Variants in ATXN10 observed in about 807,000 individuals in gnomAD.
ATXN10 encodes ataxin 10, also known as ataxin-10.
Under a neutral mutation model 52.9 loss-of-function variants are expected in ATXN10, and 28 were observed. That is an observed-to-expected ratio of 0.53 (90% CI 0.39 to 0.73). The LOEUF is 0.73. ATXN10 is among the 30% of genes least tolerant of loss of function. ATXN10 has a pLI of 0.00. For missense variants in ATXN10, 565 were observed against 577.0 expected, an observed-to-expected ratio of 0.98 and a Z score of 0.21; for synonymous variants, 226 against 221.5, an observed-to-expected ratio of 1.02 and a Z score of -0.18.
At chr22:45,723,800 A>G (rs1156672814) in intron 6 of ATXN10, among the ~76,000 whole-genome samples, 1 of 152,116 alleles carries the variant, frequency 6.6e-6, no homozygotes, top group Non-Finnish European at 1.5e-5. Flanking sequence ...TACTAAAAAT[A>G]CAAAAATTAG....
Position 45,733,769 on chromosome 22 carries a change from A to G in ATXN10, c.894+4179A>G, listed in dbSNP as rs1434360245. Among the ~76,000 whole-genome samples, 1 of 151,640 alleles carries G rather than the reference A, an allele frequency of 6.6e-6. No homozygotes were observed. Among genetic ancestry groups the G allele is most frequent in the Non-Finnish European group, 1.5e-5 (1 of 67,894 alleles). The stretch of plus-strand genomic sequence containing the variant: ...AGACTCCCATCTTAAAAAAAAAAAA[A>G]AGTTACAAAGTTTTCCCCTTTTTGC... On this transcript the variant is annotated intron_variant, in intron 7 of 11. Transcript: ENST00000252934. This position sits in a 1 kb window ranked among gnomAD's most constrained non-coding sequence, Gnocchi z 4.4.
chr22:45,812,053 TCAGTTCCTG>T (rs1426727268), intron 10 of ATXN10, among the ~76,000 whole-genome samples: 7 of 152,182 alleles, frequency 4.6e-5, no homozygotes, highest in African/African-American at 1.7e-4. Context: ...GAGAAGGATC[TCAGTTCCTG>T]CGTGAAGGCA....
rs1173506655 is a variant in ATXN10 at position 45,828,756 on chromosome 22, A to G, written c.1238-14235A>G. Among the ~76,000 whole-genome samples, 1 of 152,230 alleles carries G rather than the reference A, an allele frequency of 6.6e-6. No individual in the cohort carries two copies. Among genetic ancestry groups the G allele is most frequent in the African/African-American group, 2.4e-5 (1 of 41,466 alleles). On this transcript the variant is annotated intron_variant, in intron 10 of 11. Coordinates refer to ENST00000252934, the MANE Select transcript of ATXN10 (RefSeq NM_013236.4). The surrounding 1 kb of genome is among the most constrained non-coding windows in gnomAD (Gnocchi z 4.5). ...ATAAGTTACTAGTTATAGTAAGACA[A>G]TTAAATCAGCAATGAAAAATCTCAC...
At chr22:45,680,911 A>G (rs760132205) in intron 1 of ATXN10, among the ~76,000 whole-genome samples, 3 of 152,174 alleles carry the variant, frequency 2.0e-5, no homozygotes, top group Non-Finnish European at 2.9e-5. Flanking sequence ...CTCTGAGGAC[A>G]TGCCTTTCCC....
intron 9 of ATXN10, among the ~76,000 whole-genome samples, chr22:45,753,398 T>C (rs1426510081): frequency 4.5e-5 from 2 of 44,164 alleles, no homozygotes. Context: ...TTTTTTTTTT[T>C]TTTTTTTTTT....
chr22:45,844,003 C>T lies in ATXN10; in HGVS notation c.*332C>T. The stretch of plus-strand genomic sequence containing the variant: ...TTATTTGACAAAACTTGGATGTTGG[C>T]TTGACTGTGTTTGTCCCTTCAGATG... On this transcript the variant is annotated 3_prime_UTR_variant, in exon 12 of 12. Transcript: ENST00000252934. The T allele has an allele frequency of 2.9e-6, 1 of 347,434 alleles. No individual in the cohort carries two copies. The highest frequency in any genetic ancestry group is 3.9e-5 in the South Asian group (1 of 25,460). 21.5% of individuals were successfully genotyped at this position (347,434 alleles called of 1,614,324 possible). A position where few individuals can be genotyped will look rare whatever the true frequency, so the allele number is the denominator to read the frequency against.
At chr22:45,704,727 A>G (rs1286034674) in intron 5 of ATXN10, among the ~76,000 whole-genome samples, 1 of 152,120 alleles carries the variant, frequency 6.6e-6, no homozygotes, top group Non-Finnish European at 1.5e-5. Flanking sequence ...ATCTGCAAGT[A>G]GGTAATATTT....
At chr22:45,697,854 TC>T (rs1923679900) in intron 3 of ATXN10, among the ~76,000 whole-genome samples, 1 of 152,010 alleles carries the variant, frequency 6.6e-6, no homozygotes, top group African/African-American at 2.4e-5. Context: ...ATGGTCTCGA[TC>T]TCCTGACCTT....
intron 9 of ATXN10, among the ~76,000 whole-genome samples, chr22:45,788,075 A>G (rs1432501333): frequency 1.3e-5 from 2 of 152,046 alleles, no homozygotes; most frequent in Non-Finnish European, 2.9e-5. Context: ...GTCTCCATCT[A>G]CCCGCTTTAG....
At position 45,678,870 on chromosome 22, in the gene ATXN10, A is replaced by G. The variant is rs1922804228; in HGVS notation, c.116+6691A>G. The G allele has an allele frequency of 6.6e-6, 1 of 152,254 alleles. No individual in the cohort carries two copies. The highest frequency in any genetic ancestry group is 6.5e-5 in the Admixed American group (1 of 15,286). 9.4% of individuals were successfully genotyped at this position (152,254 alleles called of 1,614,324 possible). A position where few individuals can be genotyped will look rare whatever the true frequency, so the allele number is the denominator to read the frequency against. The stretch of plus-strand genomic sequence containing the variant: ...GTGTAGCTTACTTTGAACTACTGAC[A>G]TAGGAGTAGCTCACATGCTATTAAA... On this transcript the variant is annotated intron_variant, in intron 1 of 11. Coordinates refer to ENST00000252934, the MANE Select transcript of ATXN10 (RefSeq NM_013236.4). The surrounding 1 kb of genome is among the most constrained non-coding windows in gnomAD (Gnocchi z 4.1).
intron 9 of ATXN10, among the ~76,000 whole-genome samples, chr22:45,800,196 G>GT (rs1300654876): frequency 2.0e-5 from 3 of 152,062 alleles, no homozygotes; most frequent in African/African-American, 7.2e-5. Flanking sequence ...ACAAGCCATG[G>GT]TATACGAGAA....
intron 1 of ATXN10, chr22:45,679,843 G>A (rs1443020131): frequency 6.6e-6 from 1 of 152,226 alleles, no homozygotes; most frequent in Non-Finnish European, 1.5e-5. Flanking sequence ...TACAGAAGTG[G>A]TCAGTGTGAG....
chr22:45,817,318 C>CTT (rs11326332), intron 10 of ATXN10, among the ~76,000 whole-genome samples: 41 of 98,664 alleles, frequency 4.2e-4, no homozygotes, highest in Admixed American at 7.6e-4. Context: ...ATTGATTTAA[C>CTT]TTTTTTTTTT....
chr22:45,833,801 G>C lies in ATXN10; in HGVS notation c.1238-9190G>C, dbSNP rs1274656539. Among the ~76,000 whole-genome samples the C allele has an allele frequency of 6.6e-6, 1 of 152,172 alleles. No homozygotes were observed. The highest frequency in any genetic ancestry group is 1.5e-5 in the Non-Finnish European group (1 of 68,026). ...GTCATAGCAACCCGGAAGAAGAACT[G>C]CTCTGCCCTCCAGAGGTCTCTCTGG... On this transcript the variant is annotated intron_variant, in intron 10 of 11. Coordinates refer to ENST00000252934, the MANE Select transcript of ATXN10 (RefSeq NM_013236.4). This position sits in a 1 kb window ranked among gnomAD's most constrained non-coding sequence, Gnocchi z 4.3.
Position 45,780,623 on chromosome 22 carries a change from G to C in ATXN10, c.1174-26336G>C, listed in dbSNP as rs1927117062. ...GATTAGGTCAGATACTACATGTAAC[G>C]TGAACAGTGCTGGCCAATGCTTAGT... On this transcript the variant is annotated intron_variant, in intron 9 of 11. Coordinates refer to ENST00000252934, the MANE Select transcript of ATXN10 (RefSeq NM_013236.4). This position sits in a 1 kb window ranked among gnomAD's most constrained non-coding sequence, Gnocchi z 4.0. 6.6e-6 allele frequency among the ~76,000 whole-genome samples: 1 copy of C among 152,162 alleles called. No homozygotes were observed. Among genetic ancestry groups the C allele is most frequent in the Admixed American group, 6.5e-5 (1 of 15,286 alleles).
At chr22:45,702,920 T>G in intron 5 of ATXN10, 73 bp downstream of exon 5, 2 of 1,580,488 alleles carry the variant, frequency 1.3e-6, no homozygotes, top group Non-Finnish European at 1.7e-6. Context: ...AGGTTTTAAG[T>G]AAAAATTTGG....
chr22:45,769,492 G>A lies in ATXN10; in HGVS notation c.1173+28954G>A, dbSNP rs376960124. 2.8e-4 allele frequency among the ~76,000 whole-genome samples: 42 copies of A among 152,222 alleles called. No individual in the cohort carries two copies. Among genetic ancestry groups the A allele is most frequent in the African/African-American group, 8.9e-4 (37 of 41,528 alleles). ...GAGATGGCTTGGAAAAGAGGTCACC[G>A]TGGAGTTGGGCCTTGAGGAATGGTG... On this transcript the variant is annotated intron_variant, in intron 9 of 11. Transcript: ENST00000252934. The surrounding 1 kb of genome is among the most constrained non-coding windows in gnomAD (Gnocchi z 4.2).
At chr22:45,729,741 A>G (rs761572224) in intron 7 of ATXN10, 151 bp downstream of exon 7, 20 of 899,876 alleles carry the variant, frequency 2.2e-5, no homozygotes, top group Non-Finnish European at 2.6e-5. Flanking sequence ...GAAAATTTAG[A>G]TAAGGGAAAA....
chr22:45,827,031 A>C (rs1428154736), intron 10 of ATXN10, among the ~76,000 whole-genome samples: 1 of 152,108 alleles, frequency 6.6e-6, no homozygotes, highest in Non-Finnish European at 1.5e-5. Context: ...ACAGAGCTTT[A>C]AAGGAGCAGC....
Sources: allele counts gnomAD v4.1 joint callset (sites outside exome capture counted in the v4.1 genomes callset), GRCh38; gene constraint gnomAD v4.1.1; non-coding constraint Gnocchi (gnomAD v3.1); transcripts MANE v1.5; gene names NCBI Gene and HGNC (gene_info 2026-07-23, HGNC 2026-07-21).